Variants in UBAC1 observed in about 807,000 individuals in gnomAD.
UBAC1 encodes ubiquitin-associated domain-containing protein 1.
UBAC1 carries 27 observed loss-of-function variants against 45.9 expected under a neutral mutation model. That is an observed-to-expected ratio of 0.59 (90% CI 0.43 to 0.81). The LOEUF is 0.81. Ranked by LOEUF, UBAC1 falls within the 30% of genes least tolerant of loss-of-function variation. UBAC1 has a pLI of 0.00. For missense variants in UBAC1, 529 were observed against 539.2 expected (o/e 0.98, Z 0.19); for synonymous variants, 227 against 215.5 (o/e 1.05, Z -0.47).
chr9:135,945,311 T>C (rs1839316839), intron 6 of UBAC1, 61 bp from the exon 7 acceptor site: 1 of 1,397,100 alleles, frequency 7.2e-7, no homozygotes, highest in South Asian at 1.4e-5. Context: ...CTTCGCCTCC[T>C]GTCCATTCCC....
chr9:135,939,951 G>A (rs941635404), intron 7 of UBAC1, among the ~76,000 whole-genome samples, 192 bp from the exon 8 acceptor site: 6 of 152,342 alleles, frequency 3.9e-5, no homozygotes, highest in East Asian at 3.9e-4. Flanking sequence ...TCCTAAAGCC[G>A]AGGAAGTGCA....
chr9:135,944,170 C>T (rs555942804), intron 7 of UBAC1, among the ~76,000 whole-genome samples: 19 of 152,220 alleles, frequency 1.2e-4, no homozygotes, highest in Non-Finnish European at 2.6e-4. Context: ...TTTGTCTCCA[C>T]GGAACCCTGT....
Position 135,933,377 on chromosome 9 carries a change from A to G in UBAC1, c.*23T>C. On this transcript the variant is annotated 3_prime_UTR_variant, in exon 10 of 10. Coordinates refer to ENST00000371756, the MANE Select transcript of UBAC1 (RefSeq NM_016172.3). The stretch of plus-strand genomic sequence containing the variant: ...CGCACCAGGGGGCTGCTGTGGCCTG[A>G]TAGCCGAGTGGAACAACGCCACCTA... 1 of 1,606,134 alleles carries G rather than the reference A, an allele frequency of 6.2e-7. No individual in the cohort carries two copies. The highest frequency in any genetic ancestry group is 8.5e-7 in the Non-Finnish European group (1 of 1,172,720).
rs767865163 is a variant in UBAC1 at position 135,957,138 on chromosome 9, CTGT to C, written c.139-1726_139-1724del. On this transcript the variant is annotated intron_variant, in intron 1 of 9. Transcript: ENST00000371756. ...GGCATTTTCAGAGTAACTGGAATTT[CTGT>C]TACTCTCAAGACTGAAAACGGTTTT... 7.2e-5 allele frequency among the ~76,000 whole-genome samples: 11 copies of C among 152,324 alleles called. No individual in the cohort carries two copies. In the East Asian group the frequency reaches 1.9e-3, roughly 27 times the overall value.
Position 135,953,731 on chromosome 9 carries a change from C to T in UBAC1, c.282G>A (p.Lys94=). ...TCTTGGGAAGTGGTGATGGAGCACG[C>T]TTTTTTATCAATAATAGGACATCTA... ...QDQDVLLLIK[K]RAPSPLPKMA... The change falls in exon 3 of 10, where the codon AAG becomes AAA. Residue 94 remains lysine (K), a synonymous_variant. Transcript: ENST00000371756. The T allele has an allele frequency of 1.9e-6, 3 of 1,613,948 alleles. No individual in the cohort carries two copies. In the South Asian group the frequency reaches 3.3e-5, roughly 18 times the overall value.
In UBAC1 at chr9:135,933,329, G is replaced by T. The variant is rs1240821621; in HGVS notation, c.*71C>A. The T allele has an allele frequency of 4.6e-6, 6 of 1,309,460 alleles. No homozygotes were observed. The highest frequency in any genetic ancestry group is 6.6e-6 in the Non-Finnish European group (6 of 906,520). The allele number at this position is 1,309,460 out of a possible 1,614,324, so 81.1% of individuals were successfully genotyped here. The stretch of plus-strand genomic sequence containing the variant: ...CGCTGAAGGTGAGTTTCCAGGTGAG[G>T]TCCACTCTGCCCGGTCTCGGGCCGC... On this transcript the variant is annotated 3_prime_UTR_variant, in exon 10 of 10. Transcript: ENST00000371756.
Position 135,933,396 on chromosome 9 carries a change from C to T in UBAC1, c.*4G>A. The T allele has an allele frequency of 6.2e-7, 1 of 1,613,552 alleles. No individual in the cohort carries two copies. Among genetic ancestry groups the T allele is most frequent in the Non-Finnish European group, 8.5e-7 (1 of 1,179,500 alleles). ...GGCCTGATAGCCGAGTGGAACAACGCCACCTACGTGCGATTTAGTGTCTGG... is the reference window on the plus strand; with the variant it reads ...GGCCTGATAGCCGAGTGGAACAACGTCACCTACGTGCGATTTAGTGTCTGG... On this transcript the variant is annotated 3_prime_UTR_variant, in exon 10 of 10. Coordinates refer to ENST00000371756, the MANE Select transcript of UBAC1 (RefSeq NM_016172.3).
At chr9:135,935,054 T>G (rs2131078737) in intron 9 of UBAC1, among the ~76,000 whole-genome samples, 1 of 152,162 alleles carries the variant, frequency 6.6e-6, no homozygotes, top group South Asian at 2.1e-4. Flanking sequence ...GCTGATTTTG[T>G]TTTTTTGTTT....
At chr9:135,956,665 C>A (rs944056706) in intron 1 of UBAC1, among the ~76,000 whole-genome samples, 26 of 152,284 alleles carry the variant, frequency 1.7e-4, no homozygotes, top group African/African-American at 6.0e-4. Flanking sequence ...TATGGCGCCT[C>A]CCCAGCCGGA....
rs536168478 is a variant in UBAC1, at chr9:135,947,875, C to T, written c.364G>A (p.Glu122Lys). Residue 122 changes from glutamate to lysine, a missense_variant, in exon 4 of 10, where the codon GAG (glutamate) becomes AAG (lysine). Transcript: ENST00000371756. Reference protein sequence around the residue: ...KKQDQKAPDKEAILRATANLP... With the variant: ...KKQDQKAPDKKAILRATANLP... The stretch of plus-strand genomic sequence containing the variant: ...TTGGCGGTGGCCCGCAGTATGGCCT[C>T]TTTATCTGGAGCTTTCTGGTCTTGT... 2.7e-5 allele frequency: 43 copies of T among 1,614,046 alleles called. No individual in the cohort carries two copies. The highest frequency in any genetic ancestry group is 3.4e-5 in the Non-Finnish European group (40 of 1,180,006).
At chr9:135,955,919 C>G (rs1184737370) in intron 1 of UBAC1, among the ~76,000 whole-genome samples, 1 of 152,206 alleles carries the variant, frequency 6.6e-6, no homozygotes, top group Non-Finnish European at 1.5e-5. Context: ...CTTGGCTCAG[C>G]TCACTAAGTA....
chr9:135,939,898 T>C (rs1404273398), intron 7 of UBAC1, 139 bp from the exon 8 acceptor site: 1 of 686,892 alleles, frequency 1.5e-6, no homozygotes. Flanking sequence ...CCGTCCACGT[T>C]CTTTCCTCAC....
At chr9:135,950,216 C>T (rs1039691944) in intron 3 of UBAC1, among the ~76,000 whole-genome samples, 4 of 152,254 alleles carry the variant, frequency 2.6e-5, no homozygotes, top group African/African-American at 9.6e-5. Context: ...CCCTACAGAA[C>T]TGCGAGCTAC....
In UBAC1 at chr9:135,937,055, C is replaced by T. The variant is rs187379195; in HGVS notation, c.1102+1167G>A. Among the ~76,000 whole-genome samples the T allele has an allele frequency of 1.8e-4, 27 of 152,296 alleles. No individual in the cohort carries two copies. The East Asian group carries it at 3.5e-3, about 20-fold the overall frequency. Reference sequence around the variant, plus strand: ...GCCAAGGTTCTACAGGCGGCCAATACGCTTCTGAAAGAAGGCCAGCCTTCA... The same window carrying T: ...GCCAAGGTTCTACAGGCGGCCAATATGCTTCTGAAAGAAGGCCAGCCTTCA... On this transcript the variant is annotated intron_variant, in intron 9 of 9. Coordinates refer to ENST00000371756, the MANE Select transcript of UBAC1 (RefSeq NM_016172.3).
chr9:135,957,504 G>A (rs181524613), intron 1 of UBAC1, among the ~76,000 whole-genome samples: 6 of 152,204 alleles, frequency 3.9e-5, no homozygotes, highest in Admixed American at 6.5e-5. Flanking sequence ...GCACTAGGAC[G>A]ACCGTGTCAC....
chr9:135,933,722 G>A (rs1486966793), intron 9 of UBAC1, among the ~76,000 whole-genome samples: 1 of 152,132 alleles, frequency 6.6e-6, no homozygotes, highest in African/African-American at 2.4e-5. Flanking sequence ...TCTGATCACA[G>A]AGAGTCATGC....
Position 135,947,885 on chromosome 9 carries a change from A to G in UBAC1, c.354T>C (p.Ala118=), listed in dbSNP as rs773352233. 72 of 1,613,932 alleles carry G rather than the reference A, an allele frequency of 4.5e-5. No individual in the cohort carries two copies. The highest frequency in any genetic ancestry group is 1.6e-4 in the Middle Eastern group (1 of 6,082). Residue 118 remains alanine (A), a synonymous_variant, in exon 4 of 10, where the codon GCT becomes GCC. Coordinates refer to ENST00000371756, the MANE Select transcript of UBAC1 (RefSeq NM_016172.3). ...AEEKKKQDQK[A]PDKEAILRAT... is the part of the protein sequence containing the mutation. Reference sequence around the variant, plus strand: ...CCCGCAGTATGGCCTCTTTATCTGGAGCTTTCTGGTCTTGTTTTTTCTACA... The same window carrying G: ...CCCGCAGTATGGCCTCTTTATCTGGGGCTTTCTGGTCTTGTTTTTTCTACA...
At chr9:135,944,663 C>G (rs1041233979) in intron 7 of UBAC1, among the ~76,000 whole-genome samples, 1 of 152,226 alleles carries the variant, frequency 6.6e-6, no homozygotes, top group Non-Finnish European at 1.5e-5. Flanking sequence ...GGCAGGGCCC[C>G]CACCCCGCAG....
At position 135,938,366 on chromosome 9, in the gene UBAC1, A is replaced by C; in HGVS notation, c.964-6T>G. 6.2e-7 allele frequency: 1 copy of C among 1,612,558 alleles called. No homozygotes were observed. The highest frequency in any genetic ancestry group is 1.1e-5 in the South Asian group (1 of 91,044). Reference sequence around the variant, plus strand: ...TCCCCCAGCAGCCACTCGCACTGCAAAGCCAAGAGCACCAATACCACTGTT... The same window carrying C: ...TCCCCCAGCAGCCACTCGCACTGCACAGCCAAGAGCACCAATACCACTGTT... On this transcript the variant is annotated splice_polypyrimidine_tract_variant and splice_region_variant and intron_variant, in intron 8 of 9. Transcript: ENST00000371756.
Sources: allele counts gnomAD v4.1 joint callset (sites outside exome capture counted in the v4.1 genomes callset), GRCh38; gene constraint gnomAD v4.1.1; transcripts MANE v1.5; gene names NCBI Gene and HGNC (gene_info 2026-07-23, HGNC 2026-07-21).